Variants in KPNA4 observed in about 807,000 individuals in gnomAD.
The protein encoded by KPNA4 is karyopherin subunit alpha 4.
Under a neutral mutation model 71.3 loss-of-function variants are expected in KPNA4, and 13 were observed. The ratio of observed to expected loss-of-function variants is 0.18; its 90% CI spans 0.12 to 0.29. The LOEUF (loss-of-function observed/expected upper bound fraction) is 0.29. KPNA4 is among the 10% of genes least tolerant of loss of function. KPNA4 has a pLI of 1.00. For missense variants in KPNA4, 334 were observed against 603.2 expected (o/e 0.55, Z 4.67); for synonymous variants, 189 against 195.2 (o/e 0.97, Z 0.26).
At position 160,501,217 on chromosome 3, in the gene KPNA4, GAA is replaced by G. The variant is rs1264039797; in HGVS notation, c.*885_*886del. ...TGCAAATGCACAGGGAAACCTTCCT[GAA>G]AAGTTTTCTGACTTGAGAAGCAACT... On this transcript the variant is annotated 3_prime_UTR_variant, in exon 17 of 17. Transcript: ENST00000334256. 4 of 149,402 alleles carry G rather than the reference GAA, an allele frequency of 2.7e-5. No individual in the cohort carries two copies. In the South Asian group the frequency reaches 8.5e-4, roughly 32 times the overall value. 9.3% of individuals were successfully genotyped at this position (149,402 alleles called of 1,614,324 possible).
intron 11 of KPNA4, 98 bp from the exon 12 acceptor site, chr3:160,515,678 G>C (rs1401513237): frequency 7.5e-7 from 1 of 1,336,674 alleles, no homozygotes; most frequent in Admixed American, 2.2e-5. Context: ...GCAGTGGTGC[G>C]ATCTCAGCTC....
chr3:160,543,272 C>T (rs535803352), intron 1 of KPNA4, among the ~76,000 whole-genome samples: 17 of 152,080 alleles, frequency 1.1e-4, no homozygotes, highest in Non-Finnish European at 2.4e-4. Context: ...ACGACCTTTA[C>T]GGGTATTAAT....
intron 12 of KPNA4, chr3:160,514,770 C>CTTTTTTTTTTTTTTTT (rs1721169704): frequency 2.9e-6 from 1 of 345,024 alleles, no homozygotes; most frequent in African/African-American, 2.2e-5. Flanking sequence ...CTATCTTAAT[C>CTTTTTTTTTTTTTTTT]TTTTTATGTT....
At chr3:160,539,156 T>C (rs1252355431) in intron 1 of KPNA4, among the ~76,000 whole-genome samples, 1 of 152,114 alleles carries the variant, frequency 6.6e-6, no homozygotes, top group Admixed American at 6.5e-5. Flanking sequence ...CTGCCAACTC[T>C]CTATTTGGGT....
chr3:160,534,097 T>C, intron 5 of KPNA4, among the ~76,000 whole-genome samples: 1 of 152,376 alleles, frequency 6.6e-6, no homozygotes, highest in Middle Eastern at 3.4e-3. Context: ...CTATCAGTTC[T>C]AAGTTATTTA....
chr3:160,534,328 C>T (rs535777715), intron 5 of KPNA4, among the ~76,000 whole-genome samples: 2 of 152,236 alleles, frequency 1.3e-5, no homozygotes, highest in South Asian at 4.1e-4. Flanking sequence ...TATGATACAA[C>T]CATGTCTTCC....
chr3:160,561,026 T>C (rs1323310496), intron 1 of KPNA4, among the ~76,000 whole-genome samples: 1 of 152,068 alleles, frequency 6.6e-6, no homozygotes, highest in Non-Finnish European at 1.5e-5. Flanking sequence ...AAACAGCTGA[T>C]CAATTTATTA....
chr3:160,511,581 A>C (rs1721095051), intron 13 of KPNA4, among the ~76,000 whole-genome samples: 1 of 152,126 alleles, frequency 6.6e-6, no homozygotes. Context: ...AGCTCTCTAT[A>C]TAGTGCTATG....
At chr3:160,553,975 T>C (rs770680887) in intron 1 of KPNA4, among the ~76,000 whole-genome samples, 4 of 152,240 alleles carry the variant, frequency 2.6e-5, no homozygotes, top group Non-Finnish European at 5.9e-5. Flanking sequence ...CCTATTAGAA[T>C]GTAAACTTCA....
chr3:160,506,822 C>T (rs1720992764), intron 15 of KPNA4, among the ~76,000 whole-genome samples: 2 of 152,208 alleles, frequency 1.3e-5, no homozygotes, highest in African/African-American at 4.8e-5. Context: ...CCTAACTCGA[C>T]AGTTATAGAT....
At chr3:160,556,075 G>A (rs1722130147) in intron 1 of KPNA4, among the ~76,000 whole-genome samples, 1 of 152,110 alleles carries the variant, frequency 6.6e-6, no homozygotes, top group African/African-American at 2.4e-5. Flanking sequence ...CAGGTGATCC[G>A]GCCCGCCTTG....
chr3:160,516,572 G>C (rs959672799), intron 11 of KPNA4, among the ~76,000 whole-genome samples: 1 of 152,008 alleles, frequency 6.6e-6, no homozygotes, highest in African/African-American at 2.4e-5. Context: ...TTAAGCCCTG[G>C]AGTTTGACAC....
At chr3:160,535,349 T>C (rs916637871) in intron 5 of KPNA4, among the ~76,000 whole-genome samples, 164 bp downstream of exon 5, 3 of 152,212 alleles carry the variant, frequency 2.0e-5, no homozygotes, top group Admixed American at 2.0e-4. Flanking sequence ...TTTAATATTC[T>C]AAACCACAGA....
At chr3:160,521,116 G>T (rs746839100) in intron 11 of KPNA4, among the ~76,000 whole-genome samples, 1 of 152,050 alleles carries the variant, frequency 6.6e-6, no homozygotes, top group Non-Finnish European at 1.5e-5. Context: ...CAGCACCAAT[G>T]AAGATAAGAG....
intron 13 of KPNA4, among the ~76,000 whole-genome samples, chr3:160,510,204 G>A (rs888697766): frequency 2.8e-4 from 42 of 151,866 alleles, no homozygotes; most frequent in Non-Finnish European, 5.7e-4. Context: ...TCACGTAAAC[G>A]AACATATTCT....
intron 1 of KPNA4, among the ~76,000 whole-genome samples, chr3:160,560,773 T>C (rs1301326814): frequency 6.6e-6 from 1 of 152,040 alleles, no homozygotes; most frequent in African/African-American, 2.4e-5. Flanking sequence ...ACCAGGAAAG[T>C]TGGCAAGAAG....
rs1235887002 is a variant in KPNA4 at position 160,495,869 on chromosome 3, G to A, written c.*6235C>T. 1 of 150,268 alleles carries A rather than the reference G, an allele frequency of 6.7e-6. No homozygotes were observed. The highest frequency in any genetic ancestry group is 1.5e-5 in the Non-Finnish European group (1 of 67,840). The allele number at this position is 150,268 out of a possible 1,614,324, so 9.3% of individuals were successfully genotyped here. A position where few individuals can be genotyped will look rare whatever the true frequency, so the allele number is the denominator to read the frequency against. On this transcript the variant is annotated 3_prime_UTR_variant, in exon 17 of 17. Transcript: ENST00000334256. ...TGGTAATACCAAAGTGACTAAGGTT[G>A]TCTTGATTCCCCGCCCCCACCACAA...
At chr3:160,502,234 A>C (rs1442957002) in intron 16 of KPNA4, 32 bp from the exon 17 acceptor site, 2 of 1,236,940 alleles carry the variant, frequency 1.6e-6, no homozygotes, top group Non-Finnish European at 2.3e-6. Flanking sequence ...GAATGTGATA[A>C]TTAGTTTTAA....
At chr3:160,548,103 G>A (rs996188849) in intron 1 of KPNA4, among the ~76,000 whole-genome samples, 3 of 152,252 alleles carry the variant, frequency 2.0e-5, no homozygotes, top group African/African-American at 7.2e-5. Flanking sequence ...GTTTTGTACT[G>A]CCTCTCAAAG....
Sources: allele counts gnomAD v4.1 joint callset (sites outside exome capture counted in the v4.1 genomes callset), GRCh38; gene constraint gnomAD v4.1.1; transcripts MANE v1.5; gene names NCBI Gene and HGNC (gene_info 2026-07-23, HGNC 2026-07-21).